Variants in ZNG1A observed in about 807,000 individuals in gnomAD.
ZNG1A encodes Zn regulated GTPase metalloprotein activator 1A.
the ZNG1A span, among the ~76,000 whole-genome samples, chr9:171,270 T>G: frequency 6.6e-5 from 10 of 152,098 alleles, no homozygotes; most frequent in African/African-American, 2.4e-4. Flanking sequence ...TATGACCTGT[T>G]GAGTAAATTA....
At chr9:143,058 T>C in the ZNG1A span, among the ~76,000 whole-genome samples, 1 of 146,920 alleles carries the variant, frequency 6.8e-6, no homozygotes, top group African/African-American at 2.6e-5. Flanking sequence ...ATCAATAGCT[T>C]ACCAACCAAA....
chr9:127,149 T>C, the ZNG1A span, among the ~76,000 whole-genome samples: 1 of 152,136 alleles, frequency 6.6e-6, no homozygotes, highest in African/African-American at 2.4e-5. Context: ...AGAACGTATA[T>C]TCTGTGGTTG....
At chr9:159,526 T>A in the ZNG1A span, among the ~76,000 whole-genome samples, 2 of 152,206 alleles carry the variant, frequency 1.3e-5, no homozygotes, top group Non-Finnish European at 2.9e-5. Context: ...TTGTATACCT[T>A]AAATATATAT....
the ZNG1A span, chr9:167,221 G>C: frequency 6.6e-6 from 1 of 151,326 alleles, no homozygotes; most frequent in Admixed American, 6.6e-5. Context: ...TCCCAAACAA[G>C]TTATTTTTCA....
chr9:147,083 C>G, the ZNG1A span: 1 of 149,178 alleles, frequency 6.7e-6, no homozygotes, highest in African/African-American at 2.5e-5. Context: ...GAGGCTGCGG[C>G]AGGAGAATCA....
chr9:149,584 GTATTAA>G, the ZNG1A span: 4 of 148,998 alleles, frequency 2.7e-5, no homozygotes, highest in Non-Finnish European at 4.5e-5. Context: ...TAAAATTCTT[GTATTAA>G]TATTAATATC....
At chr9:129,379 T>C in the ZNG1A span, among the ~76,000 whole-genome samples, 3 of 151,566 alleles carry the variant, frequency 2.0e-5, no homozygotes, top group East Asian at 3.9e-4. Flanking sequence ...CTTTTAAAAG[T>C]ACTTATTTTG....
the ZNG1A span, chr9:154,639 A>C: frequency 8.8e-7 from 1 of 1,141,130 alleles, no homozygotes; most frequent in South Asian, 1.3e-5. Context: ...CAGGGCAACA[A>C]TCAGAGTAAA....
At chr9:126,874 C>T in the ZNG1A span, among the ~76,000 whole-genome samples, 2 of 151,994 alleles carry the variant, frequency 1.3e-5, no homozygotes, top group Non-Finnish European at 2.9e-5. Flanking sequence ...CAGAGGCTGA[C>T]AGGTTGGGTC....
At chr9:159,110 T>C in the ZNG1A span, among the ~76,000 whole-genome samples, 14 of 150,482 alleles carry the variant, frequency 9.3e-5, no homozygotes, top group South Asian at 3.0e-3. Flanking sequence ...AAAATATTTT[T>C]TAAATATTTT....
the ZNG1A span, among the ~76,000 whole-genome samples, chr9:144,388 G>T: frequency 6.7e-6 from 1 of 149,272 alleles, no homozygotes; most frequent in African/African-American, 2.5e-5. Flanking sequence ...CAGAAATAAC[G>T]CCGCATATCT....
At chr9:148,302 C>CA in the ZNG1A span, 2 of 90,896 alleles carry the variant, frequency 2.2e-5, no homozygotes, top group Admixed American at 2.5e-4. Flanking sequence ...TCCATACTTC[C>CA]AAAAAAGGAT....
At chr9:167,516 G>C in the ZNG1A span, 1 of 149,140 alleles carries the variant, frequency 6.7e-6, no homozygotes, top group African/African-American at 2.5e-5. Flanking sequence ...CCCAAAGAAT[G>C]CATGCAGTAC....
At chr9:171,247 T>C in the ZNG1A span, among the ~76,000 whole-genome samples, 1 of 152,148 alleles carries the variant, frequency 6.6e-6, no homozygotes, top group Non-Finnish European at 1.5e-5. Context: ...CTTCAATATT[T>C]CTTTTGGACA....
chr9:122,251 A>G, the ZNG1A span: 14 of 1,434,954 alleles, frequency 9.8e-6, no homozygotes, highest in African/African-American at 1.7e-4. Context: ...GTGAATTACA[A>G]GAAGTTTCTT....
the ZNG1A span, among the ~76,000 whole-genome samples, chr9:155,701 A>T: frequency 6.6e-6 from 1 of 152,146 alleles, no homozygotes; most frequent in Non-Finnish European, 1.5e-5. Context: ...TCACTGAAAG[A>T]GCAGGTTTCA....
At chr9:121,280 T>C in the ZNG1A span, 1 of 808,660 alleles carries the variant, frequency 1.2e-6, no homozygotes, top group Admixed American at 2.8e-5. Flanking sequence ...AAGGATATTA[T>C]ATATAACTGT....
At chr9:177,027 G>C in the ZNG1A span, among the ~76,000 whole-genome samples, 1 of 152,140 alleles carries the variant, frequency 6.6e-6, no homozygotes, top group African/African-American at 2.4e-5. Flanking sequence ...GTCACAGGGT[G>C]ACATATTCAA....
chr9:144,568 C>T, the ZNG1A span, among the ~76,000 whole-genome samples: 980 of 152,092 alleles, frequency 6.4e-3, 2 homozygotes, highest in Non-Finnish European at 0.011. Flanking sequence ...AAGACTTAAA[C>T]GTTTGACCTA....
Sources: allele counts gnomAD v4.1 joint callset (sites outside exome capture counted in the v4.1 genomes callset), GRCh38; gene constraint gnomAD v4.1.1; transcripts MANE v1.5; gene names NCBI Gene and HGNC (gene_info 2026-07-23, HGNC 2026-07-21).